The following ZFC3H1 variants were observed in gnomAD, a reference collection of about 807,000 sequenced individuals.
The protein encoded by ZFC3H1 is zinc finger C3H1-type containing.
Under a neutral mutation model 243.7 loss-of-function variants are expected in ZFC3H1, and 71 were observed. The ratio of observed to expected loss-of-function variants is 0.29; its 90% CI spans 0.24 to 0.36. ZFC3H1 has a LOEUF of 0.36. Ranked by LOEUF, ZFC3H1 falls within the 10% of genes least tolerant of loss-of-function variation. The pLI is 1.00. For synonymous variants in ZFC3H1, 838 were observed against 813.0 expected, an observed-to-expected ratio of 1.03 and a Z score of -0.52; for missense variants, 1,966 against 2,317.1, an observed-to-expected ratio of 0.85 and a Z score of 3.11.
intron 21 of ZFC3H1, 132 bp downstream of exon 21, chr12:71,627,619 T>C: frequency 2.4e-6 from 2 of 819,024 alleles, no homozygotes; most frequent in Non-Finnish European, 3.7e-6. Flanking sequence ...TAAAATGCTT[T>C]TGGCTTTGTC....
chr12:71,646,855 A>G (rs1288308120), intron 3 of ZFC3H1, among the ~76,000 whole-genome samples: 2 of 152,250 alleles, frequency 1.3e-5, no homozygotes, highest in Non-Finnish European at 2.9e-5. Flanking sequence ...GAACAGCAAG[A>G]GCACAGAGCT....
At chr12:71,628,846 TA>T in intron 20 of ZFC3H1, 71 bp downstream of exon 20, 1 of 1,475,604 alleles carries the variant, frequency 6.8e-7, no homozygotes. Context: ...ACCAAAGGAT[TA>T]GCAAAGTGTT....
chr12:71,657,369 G>A (rs537005632), intron 1 of ZFC3H1, 68 bp from the exon 2 acceptor site: 11 of 1,115,812 alleles, frequency 9.9e-6, no homozygotes, highest in African/African-American at 9.5e-5. Flanking sequence ...AAAAAACTTA[G>A]ATTATAGATG....
At chr12:71,619,742 G>A (rs1057011187) in intron 26 of ZFC3H1, among the ~76,000 whole-genome samples, 184 bp downstream of exon 26, 1 of 152,094 alleles carries the variant, frequency 6.6e-6, no homozygotes, top group Non-Finnish European at 1.5e-5. Context: ...GTTTAGTATA[G>A]TATATATTAA....
chr12:71,634,405 G>A (rs748966911), intron 11 of ZFC3H1, 101 bp from the exon 12 acceptor site: 515 of 1,322,938 alleles, frequency 3.9e-4, no homozygotes, highest in Non-Finnish European at 4.9e-4. Context: ...TAATCACACC[G>A]ACTAATAATA....
chr12:71,614,019 A>G (rs1459302764), intron 30 of ZFC3H1, among the ~76,000 whole-genome samples: 1 of 152,170 alleles, frequency 6.6e-6, no homozygotes, highest in Non-Finnish European at 1.5e-5. Context: ...ACAAAACTAT[A>G]TCATTAATTA....
intron 9 of ZFC3H1, 126 bp from the exon 10 acceptor site, chr12:71,635,706 C>G: frequency 8.3e-6 from 7 of 843,378 alleles, no homozygotes; most frequent in Non-Finnish European, 1.2e-5. Context: ...GGTTGTATTA[C>G]ATAATCCACT....
At chr12:71,631,193 T>C (rs1189923920) in intron 16 of ZFC3H1, among the ~76,000 whole-genome samples, 1 of 152,108 alleles carries the variant, frequency 6.6e-6, no homozygotes, top group South Asian at 2.1e-4. Context: ...AAACCTTGTA[T>C]TCTAAAAGTA....
At chr12:71,643,606 AGAC>A (rs765577945) in intron 5 of ZFC3H1, among the ~76,000 whole-genome samples, 4 of 152,148 alleles carry the variant, frequency 2.6e-5, no homozygotes, top group African/African-American at 7.2e-5. Flanking sequence ...GAAAAAGACA[AGAC>A]GACAAGTATA....
At chr12:71,649,984 C>T (rs1297705337) in intron 2 of ZFC3H1, among the ~76,000 whole-genome samples, 3 of 152,134 alleles carry the variant, frequency 2.0e-5, no homozygotes, top group Admixed American at 2.0e-4. Flanking sequence ...GTCAGGAGAT[C>T]GAGACCATCC....
chr12:71,654,959 A>T (rs79804664), intron 2 of ZFC3H1, among the ~76,000 whole-genome samples: 1 of 152,160 alleles, frequency 6.6e-6, no homozygotes, highest in African/African-American at 2.4e-5. Flanking sequence ...ATAATGACTC[A>T]ATTACCCACC....
chr12:71,647,655 G>A (rs1334051654), intron 3 of ZFC3H1, 94 bp downstream of exon 3: 4 of 672,750 alleles, frequency 5.9e-6, no homozygotes, highest in South Asian at 1.9e-5. Flanking sequence ...GAAAATAAGT[G>A]AAAGTAAGAT....
In ZFC3H1 at chr12:71,657,011, G is replaced by T. The variant is rs1164994196; in HGVS notation, c.889C>A (p.Gln297Lys). ...PEEKTQVKTF[Q>K]AFELKPLRQK... ...CTGAGTGGTTTTAATTCAAATGCCT[G>T]AAAAGTTTTGACTTGTGTTTTCTCC... The change falls in exon 2 of 35, where the codon CAG (glutamine) becomes AAG (lysine). Residue 297 changes from glutamine to lysine, a missense_variant. This residue lies in a region of ZFC3H1 where 484 missense variants were observed against 449.7 expected (regional missense o/e 1.08). Coordinates refer to ENST00000378743, the MANE Select transcript of ZFC3H1 (RefSeq NM_144982.5). 6.2e-7 allele frequency: 1 copy of T among 1,613,738 alleles called. No homozygotes were observed. Among genetic ancestry groups the T allele is most frequent in the Non-Finnish European group, 8.5e-7 (1 of 1,179,938 alleles).
At chr12:71,631,195 C>A (rs1000647884) in intron 16 of ZFC3H1, among the ~76,000 whole-genome samples, 1 of 152,010 alleles carries the variant, frequency 6.6e-6, no homozygotes, top group Non-Finnish European at 1.5e-5. Flanking sequence ...ACCTTGTATT[C>A]TAAAAGTAGT....
At chr12:71,631,024 G>T in intron 16 of ZFC3H1, 70 bp from the exon 17 acceptor site, 3 of 1,413,224 alleles carry the variant, frequency 2.1e-6, no homozygotes, top group East Asian at 2.4e-5. Flanking sequence ...GAAAACTTTA[G>T]TTTTTCTTTC....
rs1880693777 is a variant in ZFC3H1, at chr12:71,645,027, A to G, written c.1129T>C (p.Leu377=). 1.2e-6 allele frequency: 2 copies of G among 1,613,870 alleles called. No homozygotes were observed. The highest frequency in any genetic ancestry group is 2.2e-5 in the East Asian group (1 of 44,872). ...TTTTTACTGGCTGACTGAAGAGCCAAAAGGCGAAGCTGTAATTCAGATAGT... is the reference window on the plus strand; with the variant it reads ...TTTTTACTGGCTGACTGAAGAGCCAGAAGGCGAAGCTGTAATTCAGATAGT... ...EELSELQLRL[L]ALQSASKKWQ... Residue 377 remains leucine (L), a synonymous_variant, in exon 4 of 35, where the codon TTG becomes CTG. Transcript: ENST00000378743.
In ZFC3H1 at chr12:71,620,046, A is replaced by T. The variant is rs745474252; in HGVS notation, c.4929T>A (p.Val1643=). 1.9e-6 allele frequency: 3 copies of T among 1,613,902 alleles called. No homozygotes were observed. Among genetic ancestry groups the T allele is most frequent in the Non-Finnish European group, 2.5e-6 (3 of 1,179,960 alleles). Residue 1643 remains valine (V), a synonymous_variant, in exon 26 of 35, where the codon GTT becomes GTA. Coordinates refer to ENST00000378743, the MANE Select transcript of ZFC3H1 (RefSeq NM_144982.5). ...PINCQLLEAL[V]ALYLQTNQHD... is the part of the protein sequence containing the mutation. ...GCTGATTTGTTTGCAAATATAATGC[A>T]ACAAGAGCTTCCAGCAACTGGCAGT... is the stretch of plus-strand genomic sequence containing the variant.
chr12:71,641,815 T>A (rs968331984), intron 6 of ZFC3H1, among the ~76,000 whole-genome samples: 2 of 152,184 alleles, frequency 1.3e-5, no homozygotes, highest in African/African-American at 4.8e-5. Flanking sequence ...CAAGAGTTTG[T>A]TTTTTTAAAG....
At position 71,611,816 on chromosome 12, in the gene ZFC3H1, T is replaced by C. The variant is rs200979804; in HGVS notation, c.5699A>G (p.Asn1900Ser). Residue 1900 changes from asparagine to serine, a missense_variant, in exon 32 of 35, where the codon AAT becomes AGT. Asn to Ser is a conservative substitution (Grantham distance 46). Around this residue, in one of 4 missense-constraint regions of ZFC3H1, gnomAD observed 1,383 missense variants for 1,723.7 expected, o/e 0.80. Coordinates refer to ENST00000378743, the MANE Select transcript of ZFC3H1 (RefSeq NM_144982.5). ...LKLQAKMFTY[N>S]IPTCLATWKI... ...CCAGGTGGCCAGGCATGTTGGGATA[T>C]TATATGTAAACATCTTGGCTTGAAG... 2.5e-5 allele frequency: 40 copies of C among 1,610,574 alleles called. 1 individual carries two copies. The African/African-American group carries it at 5.0e-4, about 20-fold the overall frequency.
Sources: gnomAD v4.1 joint callset for allele counts (sites outside exome capture counted in the v4.1 genomes callset) on GRCh38, gnomAD v4.1.1 for gene constraint, gnomAD v4.1.1 regional missense constraint, MANE v1.5 for transcripts, NCBI Gene and HGNC (gene_info 2026-07-23, HGNC 2026-07-21) for gene names.